The following SFXN5 variants were observed in gnomAD, a reference collection of about 807,000 sequenced individuals.
The protein encoded by SFXN5 is sideroflexin 5, also known as sideroflexin-5.
Under a neutral mutation model 50.2 loss-of-function variants are expected in SFXN5, and 43 were observed. That is an observed-to-expected ratio of 0.86 (90% CI 0.67 to 1.11). SFXN5 has a LOEUF of 1.11. Ranked by LOEUF, SFXN5 falls within the 50% of genes least tolerant of loss-of-function variation. The pLI is 0.00. For missense variants in SFXN5, 463 were observed against 454.1 expected (o/e 1.02, Z -0.18); for synonymous variants, 203 against 185.8 (o/e 1.09, Z -0.75).
At chr2:73,012,845 C>T (rs1286577103) in intron 6 of SFXN5, among the ~76,000 whole-genome samples, 1 of 152,040 alleles carries the variant, frequency 6.6e-6, no homozygotes, top group Non-Finnish European at 1.5e-5. Flanking sequence ...AAATTACATG[C>T]TACAGGTCTC....
rs375928895 is a variant in SFXN5 at position 72,985,703 on chromosome 2, A to C, written c.625+2555T>G. On this transcript the variant is annotated intron_variant, in intron 10 of 13. Coordinates refer to ENST00000272433, the MANE Select transcript of SFXN5 (RefSeq NM_144579.3). ...CGCAAGCAAGGACTGTCAGGGCTTA[A>C]ACCACATTATGCAACCCGTGAGGGA... is the stretch of plus-strand genomic sequence containing the variant. 3.0e-4 allele frequency among the ~76,000 whole-genome samples: 46 copies of C among 152,304 alleles called. No individual in the cohort carries two copies. The East Asian group carries it at 7.9e-3, about 26-fold the overall frequency.
intron 6 of SFXN5, among the ~76,000 whole-genome samples, chr2:73,015,893 G>A (rs1013956164): frequency 1.3e-4 from 19 of 149,832 alleles, no homozygotes; most frequent in African/African-American, 3.9e-4. Flanking sequence ...GGCCATGATC[G>A]CATCACTGCA....
intron 1 of SFXN5, chr2:73,059,519 T>C: frequency 1.0e-6 from 1 of 985,402 alleles, no homozygotes; most frequent in South Asian, 4.7e-5. Flanking sequence ...AGCCAATTCC[T>C]GTTCCTTTCC....
chr2:73,063,914 C>T (rs1398439796), intron 1 of SFXN5, among the ~76,000 whole-genome samples: 1 of 152,210 alleles, frequency 6.6e-6, no homozygotes, highest in African/African-American at 2.4e-5. Flanking sequence ...GCCTCCCTCC[C>T]AAATTCAGCT....
chr2:73,007,447 C>T (rs1357300513), intron 6 of SFXN5, among the ~76,000 whole-genome samples: 3 of 151,988 alleles, frequency 2.0e-5, no homozygotes, highest in African/African-American at 7.3e-5. Flanking sequence ...TCAGTTTAGG[C>T]GTCACTTCCT....
intron 1 of SFXN5, 124 bp downstream of exon 1, chr2:73,071,480 G>T: frequency 1.2e-6 from 1 of 819,976 alleles, no homozygotes. Flanking sequence ...TCCCCCCCTG[G>T]CGCTAGCTGC....
At chr2:72,964,078 G>T (rs994982647) in intron 12 of SFXN5, among the ~76,000 whole-genome samples, 4 of 152,174 alleles carry the variant, frequency 2.6e-5, no homozygotes, top group Non-Finnish European at 5.9e-5. Flanking sequence ...CTTCCCAGTA[G>T]GAAGCCCAGG....
chr2:73,061,568 T>A (rs1017191056), intron 1 of SFXN5, among the ~76,000 whole-genome samples: 1 of 152,204 alleles, frequency 6.6e-6, no homozygotes, highest in South Asian at 2.1e-4. Context: ...TTGGTAGATC[T>A]AGGCAAATAG....
chr2:73,040,915 G>C lies in SFXN5; in HGVS notation c.188C>G (p.Ala63Gly), dbSNP rs768905463. Residue 63 changes from alanine to glycine, a missense_variant, in exon 3 of 14, where the codon GCT (alanine) becomes GGT (glycine). Physicochemically the swap from Ala to Gly is moderately conservative, Grantham distance 60 (BLOSUM62 0). Coordinates refer to ENST00000272433, the MANE Select transcript of SFXN5 (RefSeq NM_144579.3). ...LFVTERRLRE[A>G]VQLLEDYKHG... is the part of the protein sequence containing the mutation. ...CTTATAGTCCTCCAGCAGCTGCACAGCCTCTCTGAGACGTCTCTGCAGAAG... is the reference window on the plus strand; with the variant it reads ...CTTATAGTCCTCCAGCAGCTGCACACCCTCTCTGAGACGTCTCTGCAGAAG... The C allele has an allele frequency of 6.2e-7, 1 of 1,612,904 alleles. No homozygotes were observed. The highest frequency in any genetic ancestry group is 8.5e-7 in the Non-Finnish European group (1 of 1,179,750).
Position 72,945,039 on chromosome 2 carries a change from ACAC to A in SFXN5, c.1003_1005del (p.Val335del). The A allele has an allele frequency of 6.2e-7, 1 of 1,613,908 alleles. No individual in the cohort carries two copies. Among genetic ancestry groups the A allele is most frequent in the Non-Finnish European group, 8.5e-7 (1 of 1,179,888 alleles). On this transcript the variant is annotated inframe_deletion, in exon 14 of 14. Transcript: ENST00000272433. The surrounding 1 kb of genome is among the most constrained non-coding windows in gnomAD (Gnocchi z 5.8). The stretch of plus-strand genomic sequence containing the variant: ...GACCACACTCACAACCCCTTGTTGT[ACAC>A]CACTGTCCGGCTGCTCGTGGCCTGG...
rs1365456090 is a variant in SFXN5, at chr2:73,058,564, C to T, written c.135G>A (p.Leu45=). ...AGAGTGTGCGAGGGTCGATGATATCCAAGAAGTGCCTGAAGCGGCCATAGA... is the reference window on the plus strand; with the variant it reads ...AGAGTGTGCGAGGGTCGATGATATCTAAGAAGTGCCTGAAGCGGCCATAGA... ...TSFYGRFRHF[L]DIIDPRTLFV... The change falls in exon 2 of 14, where the codon TTG becomes TTA. Residue 45 remains leucine (L), a synonymous_variant. Coordinates refer to ENST00000272433, the MANE Select transcript of SFXN5 (RefSeq NM_144579.3). 1 of 1,614,080 alleles carries T rather than the reference C, an allele frequency of 6.2e-7. No individual in the cohort carries two copies. Among genetic ancestry groups the T allele is most frequent in the East Asian group, 2.2e-5 (1 of 44,874 alleles).
Position 72,953,094 on chromosome 2 carries a change from T to C in SFXN5, c.946-7995A>G, listed in dbSNP as rs1672712814. Among the ~76,000 whole-genome samples the C allele has an allele frequency of 6.6e-6, 1 of 152,130 alleles. No individual in the cohort carries two copies. Among genetic ancestry groups the C allele is most frequent in the South Asian group, 2.1e-4 (1 of 4,832 alleles). On this transcript the variant is annotated intron_variant, in intron 13 of 13. Transcript: ENST00000272433. The surrounding 1 kb of genome is among the most constrained non-coding windows in gnomAD (Gnocchi z 4.1). ...GTACATGTTCTTGCGTGCACGTGTA[T>C]GTGTGCGAGCCTGTGTGCACGCGCA...
chr2:72,994,531 T>A (rs1210120586), intron 9 of SFXN5, among the ~76,000 whole-genome samples: 2 of 152,134 alleles, frequency 1.3e-5, no homozygotes, highest in African/African-American at 4.8e-5. Context: ...TGGGGACAGC[T>A]AAGGGTGTGA....
intron 2 of SFXN5, among the ~76,000 whole-genome samples, chr2:73,055,228 G>A (rs1171494174): frequency 2.0e-5 from 3 of 152,264 alleles, no homozygotes; most frequent in Admixed American, 6.5e-5. Context: ...GCCTTCTGCC[G>A]TGTAATCTCG....
intron 9 of SFXN5, among the ~76,000 whole-genome samples, chr2:72,991,204 C>T (rs1198578048): frequency 6.6e-6 from 1 of 152,232 alleles, no homozygotes; most frequent in African/African-American, 2.4e-5. Flanking sequence ...GGCCATTCTT[C>T]CCACTGGCTA....
At chr2:73,038,193 G>A (rs998817439) in intron 3 of SFXN5, among the ~76,000 whole-genome samples, 3 of 152,346 alleles carry the variant, frequency 2.0e-5, no homozygotes, top group African/African-American at 7.2e-5. Flanking sequence ...ACAAGCCTGG[G>A]TAGTATGTTA....
chr2:73,059,879 G>A, intron 1 of SFXN5: 1 of 906,478 alleles, frequency 1.1e-6, no homozygotes, highest in Non-Finnish European at 1.3e-6. Context: ...CTGGTCAGGT[G>A]TACATACCAA....
chr2:73,018,403 C>T (rs755833316), intron 6 of SFXN5, among the ~76,000 whole-genome samples: 19 of 152,066 alleles, frequency 1.2e-4, no homozygotes, highest in Non-Finnish European at 1.0e-4. Flanking sequence ...TCAAAAGTGG[C>T]CCCATTTGCA....
rs899438938 is a variant in SFXN5, at chr2:72,950,356, G to A, written c.946-5257C>T. Among the ~76,000 whole-genome samples, 17 of 152,118 alleles carry A rather than the reference G, an allele frequency of 1.1e-4. No homozygotes were observed. The highest frequency in any genetic ancestry group is 9.8e-4 in the Admixed American group (15 of 15,274). On this transcript the variant is annotated intron_variant, in intron 13 of 13. Transcript: ENST00000272433. This position sits in a 1 kb window ranked among gnomAD's most constrained non-coding sequence, Gnocchi z 4.2. ...TGACTGCCTGGGGTCCACATTGTCC[G>A]ACCCCCACCTCATGCTGATCCTGGT...
Sources: allele counts gnomAD v4.1 joint callset (sites outside exome capture counted in the v4.1 genomes callset), GRCh38; gene constraint gnomAD v4.1.1; non-coding constraint Gnocchi (gnomAD v3.1); transcripts MANE v1.5; gene names NCBI Gene and HGNC (gene_info 2026-07-23, HGNC 2026-07-21).